The following ETV1 variants were observed in gnomAD, a reference collection of about 807,000 sequenced individuals.
The protein encoded by ETV1 is ETS variant transcription factor 1.
A neutral mutation model predicts 62.3 loss-of-function variants in ETV1; 27 were observed. That is an observed-to-expected ratio of 0.43 (90% CI 0.32 to 0.60). The LOEUF (loss-of-function observed/expected upper bound fraction) is 0.60, where lower values mean the gene tolerates loss of function less well. Ranked by LOEUF, ETV1 falls within the 20% of genes least tolerant of loss-of-function variation. The pLI, the probability that ETV1 is intolerant of heterozygous loss-of-function variation, is 0.06. For synonymous variants in ETV1, 222 were observed against 199.6 expected, an observed-to-expected ratio of 1.11 and a Z score of -0.94; for missense variants, 605 against 605.8, an observed-to-expected ratio of 1.00 and a Z score of 0.01.
At chr7:13,940,656 C>T (rs999492673) in intron 6 of ETV1, among the ~76,000 whole-genome samples, 9 of 151,986 alleles carry the variant, frequency 5.9e-5, no homozygotes, top group South Asian at 2.1e-4. Flanking sequence ...ATGTTAAGTC[C>T]GCTTTCCAAA....
At chr7:13,900,478 A>G (rs2128405767) in intron 13 of ETV1, 1 of 355,566 alleles carries the variant, frequency 2.8e-6, no homozygotes, top group East Asian at 4.3e-5. Context: ...ATACTAAAAC[A>G]ATCTTTTTTA....
chr7:13,951,164 G>A (rs1233640137), intron 6 of ETV1, among the ~76,000 whole-genome samples: 1 of 151,912 alleles, frequency 6.6e-6, no homozygotes, highest in African/African-American at 2.4e-5. Context: ...ATCATCATAT[G>A]TACAAGTAAA....
intron 9 of ETV1, among the ~76,000 whole-genome samples, chr7:13,918,108 A>G (rs1013168824): frequency 7.9e-5 from 12 of 152,094 alleles, no homozygotes; most frequent in African/African-American, 2.9e-4. Context: ...ACATGATTTG[A>G]AAAAAAACAT....
intron 6 of ETV1, among the ~76,000 whole-genome samples, chr7:13,948,557 C>A (rs535773113): frequency 6.6e-6 from 1 of 152,248 alleles, no homozygotes; most frequent in South Asian, 2.1e-4. Context: ...CCACATCCGG[C>A]CTTCCACCTG....
At chr7:13,900,151 G>A (rs1464819244) in intron 13 of ETV1, among the ~76,000 whole-genome samples, 2 of 151,956 alleles carry the variant, frequency 1.3e-5, no homozygotes, top group East Asian at 3.9e-4. Context: ...CAAACAAAAA[G>A]CTACTTTCAA....
At chr7:13,969,537 C>G (rs1256399757) in intron 6 of ETV1, among the ~76,000 whole-genome samples, 1 of 152,090 alleles carries the variant, frequency 6.6e-6, no homozygotes, top group South Asian at 2.1e-4. Context: ...AAATATCTAA[C>G]CTTGCACTCC....
intron 6 of ETV1, among the ~76,000 whole-genome samples, chr7:13,941,907 A>AAAGTAAGT (rs1554301269): frequency 1.6e-4 from 23 of 141,822 alleles, no homozygotes; most frequent in African/African-American, 6.0e-4. Context: ...ATAAATAAAT[A>AAAGTAAGT]AAGTAAGAAA....
chr7:13,984,125 T>C (rs1173332031), intron 5 of ETV1, among the ~76,000 whole-genome samples: 1 of 152,008 alleles, frequency 6.6e-6, no homozygotes, highest in African/African-American at 2.4e-5. Context: ...AACTTGACTC[T>C]TATGTCTAAT....
rs558198682 is a variant in ETV1 at position 13,917,325 on chromosome 7, T to G, written c.803-6018A>C. ...TTATTTATTTATTTATTTATTTATT[T>G]ATTTATTTTGAGACGGAGTTTCGCT... On this transcript the variant is annotated intron_variant, in intron 9 of 13. Coordinates refer to ENST00000430479, the MANE Select transcript of ETV1 (RefSeq NM_004956.5). Among the ~76,000 whole-genome samples the G allele has an allele frequency of 2.7e-5, 4 of 148,744 alleles. No individual in the cohort carries two copies. In the South Asian group the frequency reaches 8.4e-4, roughly 31 times the overall value.
Position 13,972,058 on chromosome 7 carries a change from C to A in ETV1, c.235+5369G>T, listed in dbSNP as rs572673359. 3.9e-5 allele frequency among the ~76,000 whole-genome samples: 6 copies of A among 151,914 alleles called. 1 individual carries two copies. In the South Asian group the frequency reaches 8.3e-4, roughly 21 times the overall value. Reference sequence around the variant, plus strand: ...CCGGGAGGCAGGAGTTGCAGTGAGCCGAGATCGTGCCACTGCACTCCAGCC... The same window carrying A: ...CCGGGAGGCAGGAGTTGCAGTGAGCAGAGATCGTGCCACTGCACTCCAGCC... On this transcript the variant is annotated intron_variant, in intron 6 of 13. Coordinates refer to ENST00000430479, the MANE Select transcript of ETV1 (RefSeq NM_004956.5).
chr7:13,907,281 C>A (rs1205821519), intron 11 of ETV1, among the ~76,000 whole-genome samples: 1 of 152,092 alleles, frequency 6.6e-6, no homozygotes, highest in East Asian at 1.9e-4. Flanking sequence ...CAACTGGTAA[C>A]AAAAATTCTC....
intron 9 of ETV1, among the ~76,000 whole-genome samples, chr7:13,928,829 G>A (rs980068651): frequency 1.3e-5 from 2 of 151,570 alleles, no homozygotes; most frequent in African/African-American, 4.8e-5. Context: ...GTGGTGGTGG[G>A]TGCCTGTAAT....
chr7:13,984,009 T>C (rs753874319), intron 5 of ETV1, among the ~76,000 whole-genome samples: 2 of 151,900 alleles, frequency 1.3e-5, no homozygotes, highest in South Asian at 2.1e-4. Flanking sequence ...TTATGAATAG[T>C]CTTACAGAAA....
At chr7:13,918,443 C>G (rs954253925) in intron 9 of ETV1, among the ~76,000 whole-genome samples, 1 of 152,064 alleles carries the variant, frequency 6.6e-6, no homozygotes, top group East Asian at 1.9e-4. Flanking sequence ...ATGTTTATTG[C>G]GGCATTATTC....
Position 13,894,037 on chromosome 7 carries a change from G to C in ETV1, c.*1829C>G, listed in dbSNP as rs374050866. ...ATAACTGCTCCACTTAGAGAAATGA[G>C]CTGTGATCTGTGTAGTTTTGGAAAA... On this transcript the variant is annotated 3_prime_UTR_variant, in exon 14 of 14. Coordinates refer to ENST00000430479, the MANE Select transcript of ETV1 (RefSeq NM_004956.5). 23 of 232,934 alleles carry C rather than the reference G, an allele frequency of 9.9e-5. No homozygotes were observed. The highest frequency in any genetic ancestry group is 5.1e-4 in the African/African-American group (23 of 45,446). 14.4% of individuals were successfully genotyped at this position (232,934 alleles called of 1,614,324 possible).
chr7:13,988,992 C>G lies in ETV1; in HGVS notation c.45+16G>C. 6.3e-7 allele frequency: 1 copy of G among 1,591,062 alleles called. No individual in the cohort carries two copies. The highest frequency in any genetic ancestry group is 8.6e-7 in the Non-Finnish European group (1 of 1,166,666). On this transcript the variant is annotated intron_variant, in intron 3 of 13. Transcript: ENST00000430479. ...AGTCAAGTTTATAAACAGCAACTTT[C>G]AAACTGATCACTCACATTGGTGACC...
At chr7:13,960,957 C>G (rs1054290611) in intron 6 of ETV1, among the ~76,000 whole-genome samples, 1 of 151,986 alleles carries the variant, frequency 6.6e-6, no homozygotes, top group East Asian at 1.9e-4. Context: ...CTAGGTAACA[C>G]AGCAATACCT....
chr7:13,970,070 C>T (rs920091984), intron 6 of ETV1, among the ~76,000 whole-genome samples: 1 of 151,422 alleles, frequency 6.6e-6, no homozygotes, highest in African/African-American at 2.4e-5. Flanking sequence ...TACTGGCTAA[C>T]ACAGTGAAAC....
intron 5 of ETV1, chr7:13,986,009 A>G: frequency 2.2e-6 from 2 of 928,180 alleles, no homozygotes; most frequent in Non-Finnish European, 1.6e-6. Context: ...GCAAAGGTCA[A>G]TTTCAGCAAA....
Sources: gnomAD v4.1 joint callset for allele counts (sites outside exome capture counted in the v4.1 genomes callset) on GRCh38, gnomAD v4.1.1 for gene constraint, MANE v1.5 for transcripts, NCBI Gene and HGNC (gene_info 2026-07-23, HGNC 2026-07-21) for gene names.